The following KCNB2 variants were observed in gnomAD, a reference collection of about 807,000 sequenced individuals.
The protein encoded by KCNB2 is potassium voltage-gated channel subfamily B member 2, also known as delayed rectifier potassium channel protein.
In KCNB2, 15 loss-of-function variants were observed where a neutral mutation model predicts 61.5. The observed-to-expected ratio is 0.24, with a 90% CI of 0.16 to 0.38. The LOEUF is 0.38. Among genes scored for constraint, KCNB2 ranks in the 10% least tolerant of loss-of-function variants. The pLI is 1.00. For missense variants in KCNB2, 828 were observed against 1,125.2 expected (o/e 0.74, Z 3.78); for synonymous variants, 457 against 446.0 (o/e 1.02, Z -0.31).
intron 2 of KCNB2, among the ~76,000 whole-genome samples, chr8:72,748,044 G>T (rs895943344): frequency 2.0e-5 from 3 of 152,146 alleles, no homozygotes; most frequent in Non-Finnish European, 4.4e-5. Context: ...TGTGAAATTA[G>T]AATGAAAACA....
At chr8:72,611,840 AC>A (rs779872327) in intron 2 of KCNB2, among the ~76,000 whole-genome samples, 44 of 151,780 alleles carry the variant, frequency 2.9e-4, no homozygotes, top group Non-Finnish European at 5.7e-4. Context: ...ACCTTAAGAA[AC>A]CCATTTTTTT....
At position 72,635,923 on chromosome 8, in the gene KCNB2, G is replaced by T. The variant is rs558294059; in HGVS notation, c.579+67610G>T. Among the ~76,000 whole-genome samples, 3 of 152,262 alleles carry T rather than the reference G, an allele frequency of 2.0e-5. No homozygotes were observed. The South Asian group carries it at 6.2e-4, about 32-fold the overall frequency. On this transcript the variant is annotated intron_variant, in intron 2 of 2. Coordinates refer to ENST00000523207, the MANE Select transcript of KCNB2 (RefSeq NM_004770.3). ...TACTACCTACTCGTTGTGTTACTGA[G>T]CAAATTTTAATTCCTTTGTGCCTCA...
intron 2 of KCNB2, among the ~76,000 whole-genome samples, chr8:72,929,376 T>C (rs1474556682): frequency 6.6e-6 from 1 of 152,202 alleles, no homozygotes; most frequent in Non-Finnish European, 1.5e-5. Context: ...GAACTCCCTG[T>C]GATCCTGCGT....
chr8:72,806,874 T>A (rs781236088), intron 2 of KCNB2, among the ~76,000 whole-genome samples: 3 of 152,074 alleles, frequency 2.0e-5, no homozygotes, highest in Non-Finnish European at 4.4e-5. Flanking sequence ...CTGAAGGAAA[T>A]AAGTGAGTGA....
intron 2 of KCNB2, among the ~76,000 whole-genome samples, chr8:72,755,197 G>A (rs73688768): frequency 0.14 from 21,566 of 152,090 alleles, 1,844 homozygotes; most frequent in South Asian, 0.31. Context: ...AAACAGGGAC[G>A]TCTAAGTAAC....
At chr8:72,687,148 C>A (rs1312565397) in intron 2 of KCNB2, among the ~76,000 whole-genome samples, 2 of 152,182 alleles carry the variant, frequency 1.3e-5, no homozygotes, top group African/African-American at 4.8e-5. Context: ...TCAATTTACT[C>A]TTTAATGTGG....
At chr8:72,804,948 G>A (rs1223675266) in intron 2 of KCNB2, among the ~76,000 whole-genome samples, 1 of 152,180 alleles carries the variant, frequency 6.6e-6, no homozygotes, top group African/African-American at 2.4e-5. Flanking sequence ...TTGAGTAGAT[G>A]TTGCAATGAG....
intron 2 of KCNB2, chr8:72,750,344 A>G (rs1328547599): frequency 2.6e-5 from 4 of 151,958 alleles, no homozygotes; most frequent in South Asian, 2.1e-4. Flanking sequence ...CTTATAAATG[A>G]TTGTTTCTCT....
chr8:72,562,441 G>A (rs1368542262), intron 1 of KCNB2, among the ~76,000 whole-genome samples: 1 of 152,166 alleles, frequency 6.6e-6, no homozygotes, highest in East Asian at 1.9e-4. Context: ...GTTGTTTATT[G>A]TTTACAGAGC....
intron 2 of KCNB2, among the ~76,000 whole-genome samples, chr8:72,577,921 A>G (rs185739069): frequency 2.6e-5 from 4 of 152,342 alleles, no homozygotes; most frequent in African/African-American, 9.6e-5. Flanking sequence ...CAGTTGTCCT[A>G]TCTGCTGTCA....
intron 2 of KCNB2, among the ~76,000 whole-genome samples, chr8:72,846,388 A>G (rs1809994643): frequency 6.6e-6 from 1 of 152,210 alleles, no homozygotes; most frequent in African/African-American, 2.4e-5. Context: ...AAGCAATGGT[A>G]ACAAAAGCCA....
In KCNB2 at chr8:72,704,517, G is replaced by GTGTGTA. The variant is rs1402899167; in HGVS notation, c.579+136209_579+136210insATGTGT. Among the ~76,000 whole-genome samples, 118 of 93,402 alleles carry GTGTGTA rather than the reference G, an allele frequency of 1.3e-3. 5 individuals are homozygous for GTGTGTA. In the South Asian group the frequency reaches 0.034, roughly 27 times the overall value. 61.3% of individuals were successfully genotyped at this position (93,402 alleles called of 152,430 possible). ...AGAAAGCTGGTGTGTGTGTGTGTGTGTGTGTGTGTGTGTGTGTGTGTATTG... is the reference window on the plus strand; with the variant it reads ...AGAAAGCTGGTGTGTGTGTGTGTGTGTGTGTATGTGTGTGTGTGTGTGTGTGTATTG... On this transcript the variant is annotated intron_variant, in intron 2 of 2. Coordinates refer to ENST00000523207, the MANE Select transcript of KCNB2 (RefSeq NM_004770.3).
intron 2 of KCNB2, among the ~76,000 whole-genome samples, chr8:72,582,631 G>A (rs1806922267): frequency 6.6e-6 from 1 of 152,124 alleles, no homozygotes; most frequent in African/African-American, 2.4e-5. Context: ...TACGATTTTA[G>A]AGACAAGATC....
At chr8:72,710,322 T>A (rs1807304992) in intron 2 of KCNB2, among the ~76,000 whole-genome samples, 1 of 152,126 alleles carries the variant, frequency 6.6e-6, no homozygotes, top group African/African-American at 2.4e-5. Context: ...CAATTCTACT[T>A]TATTTCTCAT....
intron 2 of KCNB2, among the ~76,000 whole-genome samples, chr8:72,924,539 C>T (rs1806596725): frequency 6.6e-6 from 1 of 152,094 alleles, no homozygotes; most frequent in South Asian, 2.1e-4. Context: ...ATTGAAGAAC[C>T]ACATTTTGAA....
chr8:72,566,995 G>T (rs1054320549), intron 1 of KCNB2, among the ~76,000 whole-genome samples: 4 of 152,024 alleles, frequency 2.6e-5, no homozygotes. Context: ...ACCTTGGTCA[G>T]TTTAGCTTAA....
intron 2 of KCNB2, among the ~76,000 whole-genome samples, chr8:72,639,963 AG>A (rs1304826940): frequency 3.9e-5 from 6 of 151,946 alleles, no homozygotes; most frequent in South Asian, 2.1e-4. Context: ...ATAGCAGAGA[AG>A]GGGGGACTGG....
chr8:72,827,423 T>C (rs1809613628), intron 2 of KCNB2, among the ~76,000 whole-genome samples: 1 of 152,056 alleles, frequency 6.6e-6, no homozygotes, highest in Admixed American at 6.5e-5. Context: ...CCAAAACATT[T>C]CCTTAGCCAT....
chr8:72,611,652 T>A (rs995675505), intron 2 of KCNB2, among the ~76,000 whole-genome samples: 3 of 152,208 alleles, frequency 2.0e-5, no homozygotes, highest in Admixed American at 6.5e-5. Flanking sequence ...CATGGCACAC[T>A]GAGCTCTTTA....
Sources: allele counts gnomAD v4.1 joint callset (sites outside exome capture counted in the v4.1 genomes callset), GRCh38; gene constraint gnomAD v4.1.1; transcripts MANE v1.5; gene names NCBI Gene and HGNC (gene_info 2026-07-23, HGNC 2026-07-21).